The following CUX1 variants were observed in gnomAD, a reference collection of about 807,000 sequenced individuals.
The protein encoded by CUX1 is cut like homeobox 1, also known as protein CASP.
A neutral mutation model predicts 158.8 loss-of-function variants in CUX1; 31 were observed. That is an observed-to-expected ratio of 0.20 (90% confidence interval 0.15 to 0.26). The LOEUF (loss-of-function observed/expected upper bound fraction) is 0.26. Ranked by LOEUF, CUX1 falls within the 10% of genes least tolerant of loss-of-function variation. The pLI is 1.00. For synonymous variants in CUX1, 879 were observed against 862.1 expected (o/e 1.02, Z -0.34); for missense variants, 1,589 against 2,014.6 (o/e 0.79, Z 4.04).
intron 20 of CUX1, among the ~76,000 whole-genome samples, chr7:102,211,929 T>TG (rs1251253506): frequency 2.0e-5 from 3 of 152,010 alleles, no homozygotes; most frequent in Admixed American, 1.3e-4. Context: ...GAGATGAGGC[T>TG]GGGGGGCCGC....
At chr7:102,061,224 C>A (rs908377581) in intron 3 of CUX1, among the ~76,000 whole-genome samples, 1 of 152,048 alleles carries the variant, frequency 6.6e-6, no homozygotes, top group Non-Finnish European at 1.5e-5. Flanking sequence ...TGTGCCCAGC[C>A]AAAGACTTCA....
chr7:101,897,438 C>T (rs1801634213), intron 1 of CUX1, among the ~76,000 whole-genome samples: 1 of 151,796 alleles, frequency 6.6e-6, no homozygotes, highest in South Asian at 2.1e-4. Flanking sequence ...GAGTTCAAGC[C>T]CGCAGTGAGC....
At chr7:102,279,971 G>A in intron 18 of CUX1, 4 of 1,052,150 alleles carry the variant, frequency 3.8e-6, no homozygotes, top group Non-Finnish European at 5.8e-6. Flanking sequence ...GGCTCCCCTG[G>A]GCTCCTGCCC....
At chr7:101,945,787 A>G (rs1808298305) in intron 2 of CUX1, among the ~76,000 whole-genome samples, 1 of 152,136 alleles carries the variant, frequency 6.6e-6, no homozygotes, top group Admixed American at 6.5e-5. Context: ...TGCTGTCCCA[A>G]ACCTCCTGTG....
chr7:101,891,237 C>T (rs1053857365), intron 1 of CUX1, among the ~76,000 whole-genome samples: 3 of 151,964 alleles, frequency 2.0e-5, no homozygotes, highest in African/African-American at 7.3e-5. Context: ...TGTTTGTTTT[C>T]AGACAGGGTC....
At chr7:102,073,407 A>G (rs888389084) in intron 4 of CUX1, among the ~76,000 whole-genome samples, 1 of 152,020 alleles carries the variant, frequency 6.6e-6, no homozygotes, top group African/African-American at 2.4e-5. Flanking sequence ...TCCTGACCTC[A>G]GGTGATCCGC....
chr7:102,065,789 G>T (rs1054665101), intron 3 of CUX1, among the ~76,000 whole-genome samples: 2 of 148,830 alleles, frequency 1.3e-5, no homozygotes, highest in Admixed American at 6.7e-5. Flanking sequence ...ACGTGGAGTG[G>T]TTTTTTTTTT....
chr7:101,940,555 A>G (rs1479859435), intron 2 of CUX1, among the ~76,000 whole-genome samples: 1 of 151,992 alleles, frequency 6.6e-6, no homozygotes, highest in African/African-American at 2.4e-5. Context: ...TCTTATGTTG[A>G]TATATATGTG....
intron 15 of CUX1, among the ~76,000 whole-genome samples, chr7:102,197,825 A>T (rs1794951967): frequency 6.6e-6 from 1 of 152,076 alleles, no homozygotes; most frequent in African/African-American, 2.4e-5. Flanking sequence ...TACATTGTTC[A>T]CGGTCCATTA....
At position 102,254,150 on chromosome 7, in the gene CUX1, T is replaced by A. The variant is rs782706049; in HGVS notation, c.*5108T>A. ...ACACGGATGTTTCCCTTCCACCTGT[T>A]CCCAAAGCTCCAGCAGCTGTTTCTT... On this transcript the variant is annotated 3_prime_UTR_variant, in exon 24 of 24. Coordinates refer to ENST00000292535, the MANE Select transcript of CUX1 (RefSeq NM_181552.4). 745 of 985,448 alleles carry A rather than the reference T, an allele frequency of 7.6e-4. 1 individual carries two copies. Among genetic ancestry groups the A allele is most frequent in the Admixed American group, 1.2e-3 (20 of 16,264 alleles). 61.0% of individuals were successfully genotyped at this position (985,448 alleles called of 1,614,324 possible).
chr7:102,208,475 A>G (rs1796169624), intron 20 of CUX1, among the ~76,000 whole-genome samples: 2 of 152,246 alleles, frequency 1.3e-5, no homozygotes, highest in African/African-American at 4.8e-5. Context: ...TCCCAACCTC[A>G]GGTGATCCAC....
rs1801745893 is a variant in CUX1 at position 102,253,491 on chromosome 7, C to CT, written c.*4450dup. The CT allele has an allele frequency of 1.0e-6, 1 of 985,476 alleles. No homozygotes were observed. Among genetic ancestry groups the CT allele is most frequent in the Non-Finnish European group, 1.2e-6 (1 of 829,950 alleles). The allele number at this position is 985,476 out of a possible 1,614,324, so 61.0% of individuals were successfully genotyped here. On this transcript the variant is annotated 3_prime_UTR_variant, in exon 24 of 24. Coordinates refer to ENST00000292535, the MANE Select transcript of CUX1 (RefSeq NM_181552.4). ...GTTGGACTGGATGACTTTGTTCCTCCTGCATGCATGTCCTTTGATGCAAGG... is the reference window on the plus strand; with the variant it reads ...GTTGGACTGGATGACTTTGTTCCTCCTTGCATGCATGTCCTTTGATGCAAGG...
intron 7 of CUX1, among the ~76,000 whole-genome samples, chr7:102,114,216 C>G (rs1187366486): frequency 6.6e-6 from 1 of 152,208 alleles, no homozygotes; most frequent in Non-Finnish European, 1.5e-5. Flanking sequence ...TATACACACA[C>G]ATATATACAT....
intron 22 of CUX1, among the ~76,000 whole-genome samples, chr7:102,238,166 G>A (rs1554533514): frequency 6.6e-6 from 1 of 152,176 alleles, no homozygotes; most frequent in Admixed American, 6.5e-5. Context: ...AAGAGGTGGA[G>A]GAGCAGAGTC....
intron 5 of CUX1, among the ~76,000 whole-genome samples, chr7:102,103,423 C>T (rs1374863973): frequency 9.2e-6 from 1 of 108,642 alleles, no homozygotes; most frequent in Non-Finnish European, 2.0e-5. Context: ...CCGTTTCTCT[C>T]TCTCTCTCTC....
chr7:101,966,258 G>A (rs1232391811), intron 2 of CUX1, among the ~76,000 whole-genome samples: 1 of 149,672 alleles, frequency 6.7e-6, no homozygotes, highest in African/African-American at 2.5e-5. Flanking sequence ...TAGAGGTGGT[G>A]TTTCAGCATG....
rs558612106 is a variant in CUX1, at chr7:101,826,258, G to A, written c.30+8589G>A. Among the ~76,000 whole-genome samples the A allele has an allele frequency of 4.6e-5, 7 of 152,098 alleles. No homozygotes were observed. In the East Asian group the frequency reaches 1.4e-3, roughly 29 times the overall value. On this transcript the variant is annotated intron_variant, in intron 1 of 23. Coordinates refer to ENST00000292535, the MANE Select transcript of CUX1 (RefSeq NM_181552.4). ...CTCTGTTGCCGGCTGGAGTGCAGTG[G>A]TGAGATCATAGTTCACTGAAGCCTT...
chr7:102,220,159 G>A lies in CUX1; in HGVS notation c.3131-7208G>A, dbSNP rs868962034. Among the ~76,000 whole-genome samples the A allele has an allele frequency of 2.6e-5, 4 of 152,304 alleles. No individual in the cohort carries two copies. In the South Asian group the frequency reaches 6.2e-4, roughly 24 times the overall value. On this transcript the variant is annotated intron_variant, in intron 20 of 23. Transcript: ENST00000292535. ...GCAGATCACTTGAGGTCAGGAGTTC[G>A]AGACCAGCCTGGCCAACATGGCGAA...
chr7:101,820,866 T>C (rs1486695773), intron 1 of CUX1, among the ~76,000 whole-genome samples: 2 of 152,306 alleles, frequency 1.3e-5, no homozygotes, highest in African/African-American at 4.8e-5. Flanking sequence ...TTTGAGTCTT[T>C]TTATAGCAAA....
Sources: gnomAD v4.1 joint callset for allele counts (sites outside exome capture counted in the v4.1 genomes callset) on GRCh38, gnomAD v4.1.1 for gene constraint, MANE v1.5 for transcripts, NCBI Gene and HGNC (gene_info 2026-07-23, HGNC 2026-07-21) for gene names.